Variants in WDFY2 observed in about 807,000 individuals in gnomAD.
WDFY2 encodes WD repeat and FYVE domain-containing protein 2.
Under a neutral mutation model 56.4 loss-of-function variants are expected in WDFY2, and 36 were observed. The ratio of observed to expected loss-of-function variants is 0.64; its 90% CI spans 0.49 to 0.84. The LOEUF (loss-of-function observed/expected upper bound fraction) is 0.84. Among genes scored for constraint, WDFY2 ranks in the 40% least tolerant of loss-of-function variants. The pLI is 0.00. For synonymous variants in WDFY2, 176 were observed against 183.7 expected, an observed-to-expected ratio of 0.96 and a Z score of 0.34; for missense variants, 444 against 512.2, an observed-to-expected ratio of 0.87 and a Z score of 1.29.
At chr13:51,708,928 T>C (rs999650900) in intron 4 of WDFY2, among the ~76,000 whole-genome samples, 21 of 152,222 alleles carry the variant, frequency 1.4e-4, no homozygotes, top group African/African-American at 5.1e-4. Flanking sequence ...GAAGGTATCA[T>C]GAGGGCCAGT....
intron 3 of WDFY2, among the ~76,000 whole-genome samples, chr13:51,679,859 C>T (rs1421477344): frequency 1.3e-5 from 2 of 152,110 alleles, no homozygotes; most frequent in Non-Finnish European, 2.9e-5. Flanking sequence ...TGTGTCTCTC[C>T]AGTTCTTGCC....
intron 3 of WDFY2, among the ~76,000 whole-genome samples, chr13:51,702,268 C>T (rs757184697): frequency 2.1e-4 from 31 of 151,140 alleles, no homozygotes; most frequent in Non-Finnish European, 2.9e-4. Context: ...GCCAGGATCG[C>T]GCCACTGCAC....
intron 4 of WDFY2, among the ~76,000 whole-genome samples, chr13:51,708,241 C>T (rs567738248): frequency 6.6e-6 from 1 of 151,826 alleles, no homozygotes; most frequent in Non-Finnish European, 1.5e-5. Context: ...AGCTGTGATC[C>T]TAGCACTTTG....
At chr13:51,703,463 T>A (rs548235511) in intron 3 of WDFY2, 133 bp from the exon 4 acceptor site, 5 of 641,382 alleles carry the variant, frequency 7.8e-6, no homozygotes, top group African/African-American at 7.5e-5. Context: ...ACAAAAATTC[T>A]GAGTTGATGG....
chr13:51,587,429 T>C (rs1282357919), intron 1 of WDFY2: 1 of 152,232 alleles, frequency 6.6e-6, no homozygotes, highest in Non-Finnish European at 1.5e-5. Flanking sequence ...TTGCTGTTCC[T>C]GAAAGCACAG....
At chr13:51,681,924 G>C (rs1321718960) in intron 3 of WDFY2, among the ~76,000 whole-genome samples, 2 of 152,164 alleles carry the variant, frequency 1.3e-5, no homozygotes, top group Non-Finnish European at 2.9e-5. Context: ...GTGTAGCCCT[G>C]TCATCTTTTG....
At chr13:51,675,048 A>G in intron 2 of WDFY2, 122 bp from the exon 3 acceptor site, 2 of 806,704 alleles carry the variant, frequency 2.5e-6, no homozygotes, top group Non-Finnish European at 4.1e-6. Flanking sequence ...TGGATGTTAA[A>G]TGAAATGTTT....
chr13:51,598,229 G>A (rs1362464321), intron 1 of WDFY2, among the ~76,000 whole-genome samples: 1 of 151,914 alleles, frequency 6.6e-6, no homozygotes, highest in Non-Finnish European at 1.5e-5. Context: ...GTGTAGTGGC[G>A]GGCACCTGTA....
intron 1 of WDFY2, among the ~76,000 whole-genome samples, chr13:51,654,163 A>G (rs942151325): frequency 3.3e-5 from 5 of 152,132 alleles, no homozygotes; most frequent in African/African-American, 9.7e-5. Context: ...CTGCTGTGCT[A>G]GCAGTGAGCA....
At chr13:51,711,359 C>T (rs1336031761) in intron 4 of WDFY2, among the ~76,000 whole-genome samples, 1 of 152,094 alleles carries the variant, frequency 6.6e-6, no homozygotes, top group East Asian at 1.9e-4. Context: ...TAGGCATTAC[C>T]ATTCAGGACA....
intron 11 of WDFY2, 79 bp from the exon 12 acceptor site, chr13:51,759,661 C>T (rs1051788803): frequency 4.2e-6 from 6 of 1,412,508 alleles, no homozygotes; most frequent in Non-Finnish European, 5.9e-6. Context: ...AAAAAAATTT[C>T]CTTGAAGAAT....
rs1953296473 is a variant in WDFY2 at position 51,753,885 on chromosome 13, G to T, written c.832-1473G>T. ...GGATCACTTGAGGTCAAGAGTTTGA[G>T]ACCAGCCTGGTCAACATGGCGAAAC... On this transcript the variant is annotated intron_variant, in intron 8 of 11. Coordinates refer to ENST00000298125, the MANE Select transcript of WDFY2 (RefSeq NM_052950.4). Among the ~76,000 whole-genome samples, 3 of 151,164 alleles carry T rather than the reference G, an allele frequency of 2.0e-5. No homozygotes were observed. The South Asian group carries it at 6.3e-4, about 32-fold the overall frequency.
chr13:51,749,635 C>T (rs892994396), intron 7 of WDFY2, among the ~76,000 whole-genome samples: 1 of 152,064 alleles, frequency 6.6e-6, no homozygotes, highest in African/African-American at 2.4e-5. Context: ...AAAATGAACT[C>T]CTGTATTGAC....
intron 3 of WDFY2, 106 bp from the exon 4 acceptor site, chr13:51,703,490 G>T: frequency 2.5e-6 from 2 of 790,456 alleles, no homozygotes; most frequent in Non-Finnish European, 4.0e-6. Context: ...TACTAATGTT[G>T]GATGTAATCG....
chr13:51,632,926 T>G (rs1410945067), intron 1 of WDFY2, among the ~76,000 whole-genome samples: 2 of 152,202 alleles, frequency 1.3e-5, no homozygotes, highest in Non-Finnish European at 2.9e-5. Context: ...TAGGTCATTA[T>G]TCAGTTCTTT....
intron 3 of WDFY2, among the ~76,000 whole-genome samples, chr13:51,692,643 G>A (rs1047348451): frequency 1.3e-5 from 2 of 152,158 alleles, no homozygotes; most frequent in African/African-American, 2.4e-5. Context: ...AAGGATATTG[G>A]TCTAAAATTC....
chr13:51,719,104 G>C, intron 4 of WDFY2, 94 bp from the exon 5 acceptor site: 6 of 1,543,812 alleles, frequency 3.9e-6, no homozygotes, highest in Non-Finnish European at 5.3e-6. Context: ...TTATTCTGGG[G>C]TGGGGAGAAG....
chr13:51,596,052 A>G (rs1406477432), intron 1 of WDFY2, among the ~76,000 whole-genome samples: 2 of 152,204 alleles, frequency 1.3e-5, no homozygotes, highest in Non-Finnish European at 2.9e-5. Context: ...TCCTGGAGTC[A>G]GTTTACATGC....
chr13:51,608,611 A>G (rs1390107880), intron 1 of WDFY2, among the ~76,000 whole-genome samples: 1 of 152,208 alleles, frequency 6.6e-6, no homozygotes, highest in African/African-American at 2.4e-5. Context: ...CACCTGGGAC[A>G]TGGAGGTTGC....
Sources: allele counts gnomAD v4.1 joint callset (sites outside exome capture counted in the v4.1 genomes callset), GRCh38; gene constraint gnomAD v4.1.1; transcripts MANE v1.5; gene names NCBI Gene and HGNC (gene_info 2026-07-23, HGNC 2026-07-21).